XPO1: variants seen among roughly 807,000 people sequenced by gnomAD.
The protein encoded by XPO1 is exportin-1.
A neutral mutation model predicts 133.3 loss-of-function variants in XPO1; 5 were observed. The observed-to-expected ratio is 0.04, with a 90% CI of 0.02 to 0.08. The LOEUF is 0.08. Ranked by LOEUF, XPO1 falls within the 10% of genes least tolerant of loss-of-function variation. XPO1 has a pLI of 1.00. For synonymous variants in XPO1, 419 were observed against 408.2 expected, an observed-to-expected ratio of 1.03 and a Z score of -0.32; for missense variants, 506 against 1,267.5, an observed-to-expected ratio of 0.40 and a Z score of 9.12.
intron 17 of XPO1, among the ~76,000 whole-genome samples, chr2:61,489,601 C>G (rs1232824853): frequency 1.3e-5 from 2 of 150,796 alleles, no homozygotes; most frequent in African/African-American, 4.9e-5. Flanking sequence ...GTTGCCCAGG[C>G]TAGAGTGCAG....
chr2:61,511,080 T>A (rs1698073838), intron 4 of XPO1, among the ~76,000 whole-genome samples: 2 of 151,598 alleles, frequency 1.3e-5, no homozygotes, highest in African/African-American at 4.8e-5. Context: ...GAAATGGAAA[T>A]ACTATTCCTA....
At chr2:61,490,580 T>C in intron 17 of XPO1, 62 bp downstream of exon 17, 1 of 1,601,954 alleles carries the variant, frequency 6.2e-7, no homozygotes. Context: ...TTCAATACAT[T>C]TGTAAAGAAC....
chr2:61,494,166 C>A (rs1697127678), intron 11 of XPO1, 75 bp from the exon 12 acceptor site: 3 of 1,323,766 alleles, frequency 2.3e-6, no homozygotes, highest in Non-Finnish European at 3.1e-6. Context: ...CTTGTTACAC[C>A]TTAAGGGAAA....
At chr2:61,501,775 T>TCCACACTG (rs1173435433) in intron 6 of XPO1, among the ~76,000 whole-genome samples, 1 of 148,384 alleles carries the variant, frequency 6.7e-6, no homozygotes, top group East Asian at 2.0e-4. Context: ...CAGAGTCCAG[T>TCCACACTG]CCACACTGCA....
chr2:61,489,558 T>C (rs1248090453), intron 17 of XPO1, among the ~76,000 whole-genome samples: 1 of 151,228 alleles, frequency 6.6e-6, no homozygotes, highest in Non-Finnish European at 1.5e-5. Context: ...AATATAGTTC[T>C]ATTTTTTTTT....
intron 16 of XPO1, among the ~76,000 whole-genome samples, chr2:61,491,497 C>CACACACACACACACACACA: frequency 6.8e-6 from 1 of 146,606 alleles, no homozygotes; most frequent in Non-Finnish European, 1.5e-5. Context: ...CACACACACA[C>CACACACACACACACACACA]CCCAAAACAA....
intron 19 of XPO1, among the ~76,000 whole-genome samples, chr2:61,487,133 G>A (rs943783950): frequency 2.0e-5 from 3 of 151,736 alleles, no homozygotes; most frequent in Non-Finnish European, 2.9e-5. Context: ...ACCCGCCTCG[G>A]CCTCCCAAAG....
In XPO1 at chr2:61,488,106, A is replaced by G; in HGVS notation, c.2313+59T>C. ...CAAAATGCACATAATAGAGTATAGC[A>G]TATTCCATAAAACACAGCATCAACA... is the stretch of plus-strand genomic sequence containing the variant. On this transcript the variant is annotated intron_variant, in intron 19 of 24. Transcript: ENST00000401558. The G allele has an allele frequency of 2.1e-6, 3 of 1,435,612 alleles. No homozygotes were observed. The South Asian group carries it at 3.5e-5, about 17-fold the overall frequency. 88.9% of individuals were successfully genotyped at this position (1,435,612 alleles called of 1,614,324 possible).
intron 4 of XPO1, among the ~76,000 whole-genome samples, chr2:61,518,798 G>A (rs1390245559): frequency 2.6e-5 from 4 of 152,066 alleles, no homozygotes; most frequent in East Asian, 3.8e-4. Flanking sequence ...ACACACTTAC[G>A]GCCTAAAGCT....
rs1236674701 is a variant in XPO1, at chr2:61,537,783, A to ACACACACACACAC, written c.-229_-228insGTGTGTGTGTGTG. 1 of 130,908 alleles carries ACACACACACACAC rather than the reference A, an allele frequency of 7.6e-6. No individual in the cohort carries two copies. Among genetic ancestry groups the ACACACACACACAC allele is most frequent in the African/African-American group, 3.0e-5 (1 of 33,570 alleles). 8.1% of individuals were successfully genotyped at this position (130,908 alleles called of 1,614,324 possible). On this transcript the variant is annotated 5_prime_UTR_variant, in exon 1 of 25. Transcript: ENST00000401558. ...CACACACACACACACACACACACAC[A>ACACACACACACAC]CCCGCCCCCCCCCAAAAGGGGAATT...
Position 61,489,051 on chromosome 2 carries a change from G to A in XPO1, c.2023-280C>T, listed in dbSNP as rs569797598. Among the ~76,000 whole-genome samples, 10 of 151,720 alleles carry A rather than the reference G, an allele frequency of 6.6e-5. No individual in the cohort carries two copies. The South Asian group carries it at 8.3e-4, about 13-fold the overall frequency. ...CTAGAGATGGAGTTTGCAGTGAGCC[G>A]AGATCGCACCACTGCACTCCAGCCT... On this transcript the variant is annotated intron_variant, in intron 17 of 24. Transcript: ENST00000401558.
At chr2:61,494,667 G>A (rs1212314569) in intron 11 of XPO1, 1 of 152,426 alleles carries the variant, frequency 6.6e-6, no homozygotes, top group African/African-American at 2.4e-5. Context: ...ACTGTTTTAG[G>A]GGTAAAGGGT....
At chr2:61,526,310 T>C (rs1331066821) in intron 3 of XPO1, 110 bp downstream of exon 3, 6 of 1,459,528 alleles carry the variant, frequency 4.1e-6, no homozygotes, top group Non-Finnish European at 5.4e-6. Context: ...AAATTAACAA[T>C]ATAAAATAAT....
chr2:61,511,396 G>T (rs1031525807), intron 4 of XPO1, among the ~76,000 whole-genome samples: 1 of 151,756 alleles, frequency 6.6e-6, no homozygotes, highest in African/African-American at 2.4e-5. Flanking sequence ...CAAAGTCCTG[G>T]GATTACAGGC....
At chr2:61,502,417 A>G in intron 4 of XPO1, 107 bp from the exon 5 acceptor site, 2 of 1,089,568 alleles carry the variant, frequency 1.8e-6, no homozygotes, top group Non-Finnish European at 2.7e-6. Flanking sequence ...AAGTAAAATC[A>G]GTTAATATAC....
chr2:61,522,686 GA>G lies in XPO1; in HGVS notation c.229-4del. The G allele has an allele frequency of 6.2e-7, 1 of 1,607,244 alleles. No homozygotes were observed. Among genetic ancestry groups the G allele is most frequent in the Non-Finnish European group, 8.5e-7 (1 of 1,174,318 alleles). On this transcript the variant is annotated splice_polypyrimidine_tract_variant and splice_region_variant and intron_variant, in intron 3 of 24. Coordinates refer to ENST00000401558, the MANE Select transcript of XPO1 (RefSeq NM_003400.4). The stretch of plus-strand genomic sequence containing the variant: ...TCCAAAATTTGTAGTCCATAGTACT[GA>G]AAATTGGAGAATAGAAGCATGTGAA...
intron 4 of XPO1, among the ~76,000 whole-genome samples, chr2:61,519,136 A>T (rs1208537923): frequency 6.6e-6 from 1 of 152,008 alleles, no homozygotes; most frequent in African/African-American, 2.4e-5. Context: ...TTTTTAGTAG[A>T]GATAGGGTTT....
chr2:61,507,465 T>A (rs1697884709), intron 4 of XPO1, among the ~76,000 whole-genome samples: 1 of 151,960 alleles, frequency 6.6e-6, no homozygotes, highest in Non-Finnish European at 1.5e-5. Flanking sequence ...TCCTAGCTAC[T>A]TGGGCTGTGG....
intron 2 of XPO1, among the ~76,000 whole-genome samples, chr2:61,528,435 C>A (rs1426560478): frequency 6.6e-6 from 1 of 151,912 alleles, no homozygotes; most frequent in Non-Finnish European, 1.5e-5. Context: ...GAGTTCAAGA[C>A]CATCCTGACC....
Sources: gnomAD v4.1 joint callset for allele counts (sites outside exome capture counted in the v4.1 genomes callset) on GRCh38, gnomAD v4.1.1 for gene constraint, MANE v1.5 for transcripts, NCBI Gene and HGNC (gene_info 2026-07-23, HGNC 2026-07-21) for gene names.